Variants in SEC23B observed in about 807,000 individuals in gnomAD.
SEC23B encodes SEC23 homolog B, COPII component.
Under a neutral mutation model 104.3 loss-of-function variants are expected in SEC23B, and 77 were observed. The observed-to-expected ratio is 0.74, with a 90% CI of 0.61 to 0.89. The LOEUF (loss-of-function observed/expected upper bound fraction) is 0.89. Among genes scored for constraint, SEC23B ranks in the 40% least tolerant of loss-of-function variants. SEC23B has a pLI of 0.00. For synonymous variants in SEC23B, 338 were observed against 332.5 expected, an observed-to-expected ratio of 1.02 and a Z score of -0.18; for missense variants, 885 against 949.4, an observed-to-expected ratio of 0.93 and a Z score of 0.89.
Position 18,528,550 on chromosome 20 carries a change from G to T in SEC23B, c.1109+939G>T, listed in dbSNP as rs190543430. On this transcript the variant is annotated intron_variant, in intron 9 of 19. Coordinates refer to ENST00000650089, the MANE Select transcript of SEC23B (RefSeq NM_006363.6). ...TCATAGAGCTGTGGAATGGGCCTGA[G>T]AGTCTGCATTTCTAACAACCCCACA... 1.4e-3 allele frequency among the ~76,000 whole-genome samples: 208 copies of T among 152,324 alleles called. 1 individual carries two copies. Among genetic ancestry groups the T allele is most frequent in the African/African-American group, 4.8e-3 (201 of 41,576 alleles).
At chr20:18,523,397 C>CTTTTTTTTTTTTTTTTTTTTTT (rs112136906) in intron 4 of SEC23B, among the ~76,000 whole-genome samples, 3 of 130,552 alleles carry the variant, frequency 2.3e-5, no homozygotes, top group Non-Finnish European at 3.1e-5. Flanking sequence ...TCTTTCCTTT[C>CTTTTTTTTTTTTTTTTTTTTTT]TTTTTTTTTT....
chr20:18,557,745 C>CTTTTTTTTTTTTTTTTTTT (rs11477198), intron 19 of SEC23B, among the ~76,000 whole-genome samples: 67 of 116,802 alleles, frequency 5.7e-4, no homozygotes, highest in Non-Finnish European at 8.7e-4. Context: ...TTTTTCTTTT[C>CTTTTTTTTTTTTTTTTTTT]TTTTTTTTTT....
At chr20:18,524,298 C>A in intron 4 of SEC23B, 135 bp from the exon 5 acceptor site, 1 of 740,994 alleles carries the variant, frequency 1.3e-6, no homozygotes, top group South Asian at 1.5e-5. Context: ...TAAGTTAGAG[C>A]TTTGTATAGA....
rs924390755 is a variant in SEC23B at position 18,508,475 on chromosome 20, C to A, written c.-15+503C>A. 1.1e-4 allele frequency among the ~76,000 whole-genome samples: 16 copies of A among 152,286 alleles called. No individual in the cohort carries two copies. In the East Asian group the frequency reaches 3.1e-3, roughly 29 times the overall value. On this transcript the variant is annotated intron_variant, in intron 1 of 19. Transcript: ENST00000650089. ...AATTCATACTTTCAGTTATTTACCT[C>A]TTCAGATACCTTCCCCGATACTTTG...
chr20:18,528,932 T>G lies in SEC23B; in HGVS notation c.1109+1321T>G, dbSNP rs559902720. Among the ~76,000 whole-genome samples the G allele has an allele frequency of 2.0e-5, 3 of 152,314 alleles. No homozygotes were observed. The South Asian group carries it at 6.2e-4, about 32-fold the overall frequency. On this transcript the variant is annotated intron_variant, in intron 9 of 19. Coordinates refer to ENST00000650089, the MANE Select transcript of SEC23B (RefSeq NM_006363.6). Reference sequence around the variant, plus strand: ...TGACTTCCAGCAAAGGCAAGGTGATTCCAGGCTGTGCTATAGGAGAAGATT... The same window carrying G: ...TGACTTCCAGCAAAGGCAAGGTGATGCCAGGCTGTGCTATAGGAGAAGATT...
At chr20:18,530,566 C>T (rs991289676) in intron 9 of SEC23B, 114 bp from the exon 10 acceptor site, 1 of 1,245,656 alleles carries the variant, frequency 8.0e-7, no homozygotes, top group Admixed American at 2.6e-5. Flanking sequence ...ATCAGTGGCT[C>T]TTTTGGGGAC....
At chr20:18,557,422 G>A (rs2060449611) in intron 19 of SEC23B, among the ~76,000 whole-genome samples, 1 of 152,086 alleles carries the variant, frequency 6.6e-6, no homozygotes. Context: ...TTATAGGCAT[G>A]AGCCACCACA....
At chr20:18,521,396 G>C (rs1438143616) in intron 4 of SEC23B, among the ~76,000 whole-genome samples, 3 of 152,114 alleles carry the variant, frequency 2.0e-5, no homozygotes, top group African/African-American at 4.8e-5. Context: ...AAGCGTCTAA[G>C]GGTTTTTGCC....
chr20:18,512,335 G>GA, intron 3 of SEC23B, 53 bp downstream of exon 3: 1 of 1,199,130 alleles, frequency 8.3e-7, no homozygotes, highest in Middle Eastern at 2.1e-4. Context: ...GTTGTATTAT[G>GA]AAAAAAATTA....
At chr20:18,533,414 C>T (rs773059844) in intron 11 of SEC23B, among the ~76,000 whole-genome samples, 3 of 152,278 alleles carry the variant, frequency 2.0e-5, no homozygotes, top group Middle Eastern at 3.4e-3. Context: ...TTGTCACCAT[C>T]AATGGGAGGG....
At chr20:18,534,214 C>G (rs1202598590) in intron 11 of SEC23B, among the ~76,000 whole-genome samples, 1 of 152,156 alleles carries the variant, frequency 6.6e-6, no homozygotes, top group Non-Finnish European at 1.5e-5. Context: ...TCCTTAAGCA[C>G]GTCAGTATGC....
intron 4 of SEC23B, among the ~76,000 whole-genome samples, chr20:18,522,015 A>G (rs1241901284): frequency 6.6e-6 from 1 of 152,128 alleles, no homozygotes; most frequent in Admixed American, 6.5e-5. Context: ...AAAATAAGAC[A>G]CTTAGATTTT....
At chr20:18,555,346 GGA>G (rs2060426844) in intron 19 of SEC23B, among the ~76,000 whole-genome samples, 173 bp downstream of exon 19, 1 of 151,774 alleles carries the variant, frequency 6.6e-6, no homozygotes, top group South Asian at 2.1e-4. Flanking sequence ...TTACTGGGCC[GGA>G]GGTTGAGGGG....
At chr20:18,558,500 T>C (rs2060461870) in intron 19 of SEC23B, among the ~76,000 whole-genome samples, 1 of 152,218 alleles carries the variant, frequency 6.6e-6, no homozygotes, top group South Asian at 2.1e-4. Context: ...TTGAATGCCT[T>C]TTCACCTGCT....
chr20:18,557,106 T>C (rs2060446892), intron 19 of SEC23B, among the ~76,000 whole-genome samples: 1 of 152,246 alleles, frequency 6.6e-6, no homozygotes, highest in Non-Finnish European at 1.5e-5. Flanking sequence ...TTATATATAA[T>C]GTAATTAATG....
chr20:18,548,398 T>A (rs2060353600), intron 15 of SEC23B, among the ~76,000 whole-genome samples: 1 of 152,254 alleles, frequency 6.6e-6, no homozygotes, highest in Non-Finnish European at 1.5e-5. Context: ...TTTTTCACTT[T>A]GCAGAGCTGA....
intron 3 of SEC23B, among the ~76,000 whole-genome samples, chr20:18,512,869 G>A (rs1208523392): frequency 1.3e-5 from 2 of 152,068 alleles, no homozygotes; most frequent in Non-Finnish European, 2.9e-5. Context: ...GGCCAACATG[G>A]TGAAACCCCA....
At chr20:18,524,815 C>T in intron 5 of SEC23B, 120 bp from the exon 6 acceptor site, 1 of 1,249,478 alleles carries the variant, frequency 8.0e-7, no homozygotes, top group Admixed American at 1.8e-5. Flanking sequence ...ACCTCAGCCT[C>T]ATGAGTAGGT....
chr20:18,542,530 A>ATTTGATCAGAG (rs1832377700), intron 13 of SEC23B, 128 bp downstream of exon 13: 4 of 969,712 alleles, frequency 4.1e-6, no homozygotes, highest in Non-Finnish European at 6.5e-6. Context: ...TCATTAGCTT[A>ATTTGATCAGAG]TTTGATCAGA....
Sources: allele counts gnomAD v4.1 joint callset (sites outside exome capture counted in the v4.1 genomes callset), GRCh38; gene constraint gnomAD v4.1.1; transcripts MANE v1.5; gene names NCBI Gene and HGNC (gene_info 2026-07-23, HGNC 2026-07-21).